BTBD3: variants seen among roughly 807,000 people sequenced by gnomAD.
BTBD3 encodes the protein BTB/POZ domain-containing protein 3.
Under a neutral mutation model 41.6 loss-of-function variants are expected in BTBD3, and 14 were observed. The ratio of observed to expected loss-of-function variants is 0.34; its 90% CI spans 0.22 to 0.53. BTBD3 has a LOEUF of 0.53. BTBD3 is among the 20% of genes least tolerant of loss of function. BTBD3 has a pLI of 0.95. For synonymous variants in BTBD3, 249 were observed against 233.7 expected (o/e 1.07, Z -0.60); for missense variants, 426 against 654.7 (o/e 0.65, Z 3.81).
intron 1 of BTBD3, among the ~76,000 whole-genome samples, chr20:11,900,253 G>A (rs2056815696): frequency 6.6e-6 from 1 of 152,138 alleles, no homozygotes; most frequent in African/African-American, 2.4e-5. Context: ...AAATAGTGCT[G>A]TTACAAATTC....
intron 1 of BTBD3, among the ~76,000 whole-genome samples, chr20:11,906,934 A>AT (rs2056858451): frequency 6.6e-6 from 1 of 152,170 alleles, no homozygotes; most frequent in South Asian, 2.1e-4. Flanking sequence ...CTTTTTAATT[A>AT]TCCTTTTTTT....
chr20:11,894,186 AGCAGGGTCGACCAAATGAC>A (rs1486577199), intron 1 of BTBD3, among the ~76,000 whole-genome samples: 1 of 152,258 alleles, frequency 6.6e-6, no homozygotes, highest in Non-Finnish European at 1.5e-5. Flanking sequence ...GAGGAAGGCC[AGCAGGGTCGACCAAATGAC>A]GTAGGCTCAG....
rs1196701812 is a variant in BTBD3 at position 11,925,892 on chromosome 20, A to G, written c.*2226A>G. ...GTGAAAGTCGTGTGAAATCCTGTAC[A>G]CTGTGTATAGAATAATGTAATTTTA... On this transcript the variant is annotated 3_prime_UTR_variant, in exon 4 of 4. Transcript: ENST00000378226. The G allele has an allele frequency of 2.0e-5, 3 of 152,530 alleles. No individual in the cohort carries two copies. The highest frequency in any genetic ancestry group is 3.9e-4 in the East Asian group (2 of 5,188). The allele number at this position is 152,530 out of a possible 1,614,324, so 9.4% of individuals were successfully genotyped here. A position where few individuals can be genotyped will look rare whatever the true frequency, so the allele number is the denominator to read the frequency against.
chr20:11,909,413 A>G (rs1268318797), intron 1 of BTBD3: 1 of 151,986 alleles, frequency 6.6e-6, no homozygotes, highest in Non-Finnish European at 1.5e-5. Flanking sequence ...ATTTTTTGTT[A>G]GGGAATATTA....
intron 1 of BTBD3, 64 bp from the exon 2 acceptor site, chr20:11,919,022 T>C: frequency 8.0e-7 from 1 of 1,242,714 alleles, no homozygotes; most frequent in Non-Finnish European, 1.2e-6. Flanking sequence ...GGGTTTTGTA[T>C]GTTGGGGAAG....
intron 1 of BTBD3, among the ~76,000 whole-genome samples, chr20:11,907,792 G>A (rs923480760): frequency 6.6e-6 from 1 of 152,172 alleles, no homozygotes; most frequent in Non-Finnish European, 1.5e-5. Flanking sequence ...AGTCTGGTTT[G>A]CAGGGTGGGT....
rs751007170 is a variant in BTBD3 at position 11,923,168 on chromosome 20, G to A, written c.1071G>A (p.Lys357=). 1.9e-6 allele frequency: 3 copies of A among 1,614,096 alleles called. No homozygotes were observed. The highest frequency in any genetic ancestry group is 2.5e-6 in the Non-Finnish European group (3 of 1,180,052). The change falls in exon 4 of 4, where the codon AAG becomes AAA. Residue 357 remains lysine, a synonymous_variant. Transcript: ENST00000378226. The surrounding 1 kb of genome is among the most constrained non-coding windows in gnomAD (Gnocchi z 5.3). ...TCCTCTGGTATACTGCAGCCAAAAA[G>A]CCTGAGCTTCAGTTTGTGAGTAAAG... ...DIFLWYTAAK[K]PELQFVSKAR...
In BTBD3 at chr20:11,893,176, A is replaced by G. The variant is rs192784231; in HGVS notation, c.-126+2222A>G. ...ATAGTACAGAAATAGGTCATTTAAC[A>G]TACTTGTTTTTAATTGTGTTTTTTA... On this transcript the variant is annotated intron_variant, in intron 1 of 4. Coordinates refer to the BTBD3 transcript ENST00000254977. Among the ~76,000 whole-genome samples the G allele has an allele frequency of 2.5e-3, 384 of 152,338 alleles. 1 individual carries two copies. The highest frequency in any genetic ancestry group is 8.8e-3 in the African/African-American group (366 of 41,576).
At chr20:11,907,464 T>G (rs969519956) in intron 1 of BTBD3, among the ~76,000 whole-genome samples, 2 of 152,212 alleles carry the variant, frequency 1.3e-5, no homozygotes, top group Admixed American at 6.5e-5. Flanking sequence ...CTAATTGGAC[T>G]TGGAAGTGTT....
chr20:11,894,366 T>G (rs2056773853), intron 1 of BTBD3, among the ~76,000 whole-genome samples: 1 of 152,230 alleles, frequency 6.6e-6, no homozygotes, highest in African/African-American at 2.4e-5. Flanking sequence ...GTTGCCAAAT[T>G]GCTTATGCCA....
At chr20:11,912,998 G>A (rs2056898315), upstream of BTBD3, among the ~76,000 whole-genome samples, 1 of 152,146 alleles carries the variant, frequency 6.6e-6, no homozygotes, top group South Asian at 2.1e-4. Context: ...CATAATTTTT[G>A]CTCAGTATTG....
intron 1 of BTBD3, among the ~76,000 whole-genome samples, chr20:11,910,975 T>C (rs2056885744): frequency 6.6e-6 from 1 of 152,214 alleles, no homozygotes; most frequent in Non-Finnish European, 1.5e-5. Context: ...TCTAATGTAG[T>C]TCAGCCAGAA....
intron 1 of BTBD3, among the ~76,000 whole-genome samples, chr20:11,908,034 C>A (rs1421441101): frequency 6.6e-6 from 1 of 152,134 alleles, no homozygotes; most frequent in Non-Finnish European, 1.5e-5. Context: ...TGACCACATG[C>A]CTCTTTTTGT....
rs1291472601 is a variant in BTBD3, at chr20:11,926,256, A to AG, written c.*2594dup. The AG allele has an allele frequency of 6.6e-6, 1 of 152,654 alleles. No homozygotes were observed. The allele number at this position is 152,654 out of a possible 1,614,324, so 9.5% of individuals were successfully genotyped here. A position where few individuals can be genotyped will look rare whatever the true frequency, so the allele number is the denominator to read the frequency against. ...TTGTCGTTGTTCATTCTGGGGATAA[A>AG]GGGGAACTAGGCTAGCAGTTCTAAT... On this transcript the variant is annotated 3_prime_UTR_variant, in exon 4 of 4. Coordinates refer to ENST00000378226, the MANE Select transcript of BTBD3 (RefSeq NM_014962.4).
chr20:11,900,634 G>A (rs952367847), intron 1 of BTBD3, among the ~76,000 whole-genome samples: 65 of 151,520 alleles, frequency 4.3e-4, no homozygotes, highest in African/African-American at 1.5e-3. Context: ...TTCTAATGTA[G>A]ACTGCCACCT....
intron 1 of BTBD3, among the ~76,000 whole-genome samples, chr20:11,906,747 T>C (rs2122226711): frequency 6.6e-6 from 1 of 152,306 alleles, no homozygotes; most frequent in South Asian, 2.1e-4. Context: ...AAATGAGACA[T>C]CGCCCATCTT....
At chr20:11,917,447 C>G (rs2056925972), upstream of BTBD3, among the ~76,000 whole-genome samples, 1 of 152,176 alleles carries the variant, frequency 6.6e-6, no homozygotes, top group African/African-American at 2.4e-5. Context: ...AAAATAACGT[C>G]CTTTGCCTTT....
chr20:11,891,048 G>A (rs2056748403), intron 1 of BTBD3: 2 of 889,624 alleles, frequency 2.2e-6, no homozygotes, highest in Non-Finnish European at 1.3e-6. Context: ...GCGGCCGGCC[G>A]GAGGGGCCGA....
chr20:11,906,589 A>G (rs556748998), intron 1 of BTBD3, among the ~76,000 whole-genome samples: 40 of 152,262 alleles, frequency 2.6e-4, no homozygotes, highest in African/African-American at 9.6e-4. Flanking sequence ...GTAAGGGAAT[A>G]TATAGATGGA....
Sources: allele counts gnomAD v4.1 joint callset (sites outside exome capture counted in the v4.1 genomes callset), GRCh38; gene constraint gnomAD v4.1.1; non-coding constraint Gnocchi (gnomAD v3.1); transcripts MANE v1.5; gene names NCBI Gene and HGNC (gene_info 2026-07-23, HGNC 2026-07-21).